DST: variants seen among roughly 807,000 people sequenced by gnomAD.
DST encodes the protein bullous pemphigoid antigen.
Under a neutral mutation model 875.2 loss-of-function variants are expected in DST, and 253 were observed. That is an observed-to-expected ratio of 0.29 (90% CI 0.26 to 0.32). DST has a LOEUF of 0.32. DST is among the 10% of genes least tolerant of loss of function. The pLI is 1.00. For synonymous variants in DST, 3,124 were observed against 3,197.1 expected, an observed-to-expected ratio of 0.98 and a Z score of 0.77; for missense variants, 8,287 against 9,111.6, an observed-to-expected ratio of 0.91 and a Z score of 3.68.
intron 59 of DST, 66 bp from the exon 60 acceptor site, chr6:56,555,906 T>C (rs2097406798): frequency 7.3e-7 from 1 of 1,369,760 alleles, no homozygotes; most frequent in Non-Finnish European, 9.6e-7. Flanking sequence ...ACAGATTTGG[T>C]GTCCAAACAG....
chr6:56,619,647 T>C (rs762592488), intron 36 of DST: 1 of 1,613,308 alleles, frequency 6.2e-7, no homozygotes, highest in South Asian at 1.1e-5. Flanking sequence ...TTTATTTTCT[T>C]GAGATCACTA....
At chr6:56,742,504 G>A (rs901311442) in intron 4 of DST, 2 of 417,760 alleles carry the variant, frequency 4.8e-6, no homozygotes, top group Non-Finnish European at 9.0e-6. Context: ...TATTAACAAA[G>A]CCAGACTCCT....
chr6:56,506,926 A>G (rs2096335452), intron 75 of DST, 137 bp from the exon 76 acceptor site: 3 of 940,108 alleles, frequency 3.2e-6, no homozygotes, highest in Non-Finnish European at 2.9e-6. Context: ...AGTTTCTGCA[A>G]TAAATTTTTT....
chr6:56,939,674 TTTTTA>T (rs1425024202), intron 2 of DST, among the ~76,000 whole-genome samples: 1 of 152,098 alleles, frequency 6.6e-6, no homozygotes, highest in African/African-American at 2.4e-5. Flanking sequence ...TTTTATTTCT[TTTTTA>T]TATTTATTTT....
chr6:56,539,778 A>G (rs1403904119), intron 61 of DST, among the ~76,000 whole-genome samples: 1 of 152,110 alleles, frequency 6.6e-6, no homozygotes, highest in Non-Finnish European at 1.5e-5. Context: ...TAATAACTCT[A>G]CTCTCACATG....
intron 9 of DST, among the ~76,000 whole-genome samples, chr6:56,680,063 T>G (rs1242766660): frequency 1.3e-5 from 2 of 152,112 alleles, no homozygotes; most frequent in Admixed American, 6.5e-5. Context: ...CATCCTAAAA[T>G]AAATAAAAAT....
rs774460688 is a variant in DST at position 56,494,173 on chromosome 6, C to G, written c.20231G>C (p.Cys6744Ser). ...TTCTTCTTTAGCTTCAAAGGCAGCACAGACTTCCTAAATTGAGATACCCTC... is the reference window on the plus strand; with the variant it reads ...TTCTTCTTTAGCTTCAAAGGCAGCAGAGACTTCCTAAATTGAGATACCCTC... The part of the protein sequence containing the change: ...KEQLNVHMEV[C>S]AAFEAKEETY... The change falls in exon 83 of 104, where the codon TGT becomes TCT. Residue 6744 changes from cysteine to serine, a missense_variant. Cys to Ser is a moderately radical substitution (Grantham distance 112, BLOSUM62 -1). This residue lies in a region of DST where 1,292 missense variants were observed against 1,552.7 expected (regional missense o/e 0.83). Coordinates refer to ENST00000680361, the MANE Select transcript of DST (RefSeq NM_001374736.1). The G allele has an allele frequency of 1.3e-6, 2 of 1,599,314 alleles. No individual in the cohort carries two copies. Among genetic ancestry groups the G allele is most frequent in the Admixed American group, 1.7e-5 (1 of 59,042 alleles).
chr6:56,625,972 T>C (rs1260639616), intron 34 of DST, among the ~76,000 whole-genome samples: 1 of 74,978 alleles, frequency 1.3e-5, no homozygotes, highest in East Asian at 4.1e-4. Context: ...GTTTAAAAAG[T>C]AAAAAAAAAA....
intron 2 of DST, among the ~76,000 whole-genome samples, chr6:56,939,098 G>A: frequency 6.6e-6 from 1 of 152,366 alleles, no homozygotes; most frequent in East Asian, 1.9e-4. Flanking sequence ...TTGTGAAGTT[G>A]TCCAATAAGG....
At chr6:56,580,428 T>C (rs953103067) in intron 49 of DST, among the ~76,000 whole-genome samples, 2 of 151,954 alleles carry the variant, frequency 1.3e-5, no homozygotes, top group Non-Finnish European at 2.9e-5. Context: ...TCTGTGCCTG[T>C]AGTCTCAATT....
chr6:56,640,310 C>T lies in DST; in HGVS notation c.2323G>A (p.Val775Ile). ...AYTPGFPSGL[V>I]PNFSSGVEPN... ...TCTACTCCTGAACTGAAATTTGGAA[C>T]TAATCCTGATGGGAAACCAGGTGTA... Residue 775 changes from valine to isoleucine, a missense_variant, in exon 18 of 104, where the codon GTT becomes ATT. Val to Ile is a conservative substitution (Grantham distance 29). This residue lies in a region of DST where 1,160 missense variants were observed against 1,424.3 expected (regional missense o/e 0.81). Coordinates refer to ENST00000680361, the MANE Select transcript of DST (RefSeq NM_001374736.1). The T allele has an allele frequency of 6.2e-7, 1 of 1,614,160 alleles. No homozygotes were observed. Among genetic ancestry groups the T allele is most frequent in the Non-Finnish European group, 8.5e-7 (1 of 1,180,026 alleles).
rs1028773368 is a variant in DST at position 56,703,638 on chromosome 6, C to G, written c.876+10G>C. 16 of 965,108 alleles carry G rather than the reference C, an allele frequency of 1.7e-5. No homozygotes were observed. Among genetic ancestry groups the G allele is most frequent in the Middle Eastern group, 1.1e-3 (2 of 1,896 alleles). The allele number at this position is 965,108 out of a possible 1,614,324, so 59.8% of individuals were successfully genotyped here. On this transcript the variant is annotated intron_variant, in intron 7 of 103. Transcript: ENST00000680361. ...GGCTAGGTTAGTCAAGTTATGGGGG[C>G]GACACCTACCCCCTTATCCTCATCC...
chr6:56,745,924 G>A (rs992948686), intron 4 of DST, among the ~76,000 whole-genome samples: 2 of 152,194 alleles, frequency 1.3e-5, no homozygotes, highest in African/African-American at 4.8e-5. Context: ...TGAATGCAGA[G>A]AAATAGGTAG....
At chr6:56,469,263 AAAT>A (rs1248757538) in intron 97 of DST, among the ~76,000 whole-genome samples, 1 of 152,244 alleles carries the variant, frequency 6.6e-6, no homozygotes, top group African/African-American at 2.4e-5. Flanking sequence ...ATAAAAATAA[AAAT>A]AATATTTCAT....
In DST at chr6:56,527,644, G is replaced by A; in HGVS notation, c.17771C>T (p.Thr5924Ile). 1.2e-6 allele frequency: 2 copies of A among 1,613,794 alleles called. No individual in the cohort carries two copies. The highest frequency in any genetic ancestry group is 1.7e-6 in the Non-Finnish European group (2 of 1,179,834). ...ITKLSTDVAK[T>I]LEQALQLARR... ...TGCAAGCTGCAGCGCCTGTTCCAGA[G>A]TCTTGGCCACATCAGTGCTCAGTTT... The change falls in exon 68 of 104, where the codon ACT (threonine) becomes ATT (isoleucine). Residue 5924 changes from threonine to isoleucine, a missense_variant. Physicochemically the swap from Thr to Ile is moderately conservative, Grantham distance 89. Around this residue, in one of 10 missense-constraint regions of DST, gnomAD observed 777 missense variants for 764.8 expected, o/e 1.02. Transcript: ENST00000680361.
rs566560197 is a variant in DST at position 56,517,961 on chromosome 6, A to G, written c.18130-341T>C. 1.1e-4 allele frequency among the ~76,000 whole-genome samples: 17 copies of G among 152,292 alleles called. No individual in the cohort carries two copies. The South Asian group carries it at 1.7e-3, about 15-fold the overall frequency. On this transcript the variant is annotated intron_variant, in intron 69 of 103. Coordinates refer to ENST00000680361, the MANE Select transcript of DST (RefSeq NM_001374736.1). ...CAGTTATGAAAGCCAACAGCCAGGT[A>G]CCATCTTTTAATCATTTCACCCATC...
At chr6:56,547,365 G>C (rs181009939) in intron 61 of DST, among the ~76,000 whole-genome samples, 19 of 152,076 alleles carry the variant, frequency 1.2e-4, no homozygotes, top group Admixed American at 1.2e-3. Context: ...CTTTGCTCTG[G>C]GTTTATTAAA....
chr6:56,887,197 A>C (rs997402460), intron 3 of DST, among the ~76,000 whole-genome samples: 2 of 152,218 alleles, frequency 1.3e-5, no homozygotes, highest in African/African-American at 4.8e-5. Context: ...CATTACAAAA[A>C]CTGTTAAGTC....
intron 4 of DST, among the ~76,000 whole-genome samples, chr6:56,818,533 T>C (rs1385268839): frequency 6.6e-6 from 1 of 152,154 alleles, no homozygotes; most frequent in Non-Finnish European, 1.5e-5. Context: ...TCATGCTCCA[T>C]CCTTCATAGC....
Sources: allele counts gnomAD v4.1 joint callset (sites outside exome capture counted in the v4.1 genomes callset), GRCh38; gene constraint gnomAD v4.1.1; regional missense constraint gnomAD v4.1.1; transcripts MANE v1.5; gene names NCBI Gene and HGNC (gene_info 2026-07-23, HGNC 2026-07-21).